ROBO1: variants seen among roughly 807,000 people sequenced by gnomAD.
ROBO1 encodes the protein roundabout guidance receptor 1.
ROBO1 carries 149 observed loss-of-function variants against 195.9 expected under a neutral mutation model. That is an observed-to-expected ratio of 0.76 (90% CI 0.67 to 0.87). The LOEUF is 0.87. ROBO1 is among the 40% of genes least tolerant of loss of function. The pLI is 0.00. For synonymous variants in ROBO1, 816 were observed against 733.2 expected, an observed-to-expected ratio of 1.11 and a Z score of -1.82; for missense variants, 1,933 against 2,068.3, an observed-to-expected ratio of 0.93 and a Z score of 1.27.
At chr3:79,051,069 T>A (rs1254104514) in intron 3 of ROBO1, among the ~76,000 whole-genome samples, 1 of 151,950 alleles carries the variant, frequency 6.6e-6, no homozygotes, top group Non-Finnish European at 1.5e-5. Flanking sequence ...AGAGCAGAAC[T>A]GAAGGAGATA....
At chr3:79,161,124 C>T (rs1225966791) in intron 2 of ROBO1, among the ~76,000 whole-genome samples, 1 of 151,942 alleles carries the variant, frequency 6.6e-6, no homozygotes, top group African/African-American at 2.4e-5. Flanking sequence ...GAGCCTGCTA[C>T]AAAACAATAC....
intron 8 of ROBO1, among the ~76,000 whole-genome samples, chr3:78,700,138 C>A (rs1054617325): frequency 6.6e-6 from 1 of 152,096 alleles, no homozygotes; most frequent in Non-Finnish European, 1.5e-5. Context: ...TTTTAAATAT[C>A]GGTTGAAAGG....
At chr3:79,005,663 C>A (rs2077602829) in intron 3 of ROBO1, among the ~76,000 whole-genome samples, 1 of 152,116 alleles carries the variant, frequency 6.6e-6, no homozygotes, top group Admixed American at 6.5e-5. Context: ...GAATTATGCA[C>A]AAGATTCCTC....
At chr3:79,069,777 C>G (rs957490015) in intron 3 of ROBO1, among the ~76,000 whole-genome samples, 1 of 151,642 alleles carries the variant, frequency 6.6e-6, no homozygotes, top group Non-Finnish European at 1.5e-5. Flanking sequence ...GACAGGTGAT[C>G]AAAAATCTGA....
chr3:78,668,352 A>G (rs769380715), intron 12 of ROBO1, 50 bp from the exon 13 acceptor site: 8 of 1,605,078 alleles, frequency 5.0e-6, no homozygotes, highest in Non-Finnish European at 6.8e-6. Flanking sequence ...ACATACACAG[A>G]TAAGCGGATA....
intron 2 of ROBO1, among the ~76,000 whole-genome samples, chr3:79,318,256 G>A (rs1464840400): frequency 6.6e-6 from 1 of 152,068 alleles, no homozygotes; most frequent in Non-Finnish European, 1.5e-5. Flanking sequence ...CAAATATCTG[G>A]GCTCCCTATG....
chr3:79,319,125 A>G (rs987403568), intron 2 of ROBO1, among the ~76,000 whole-genome samples: 1 of 152,094 alleles, frequency 6.6e-6, no homozygotes, highest in Admixed American at 6.6e-5. Context: ...CTCCTCTCCT[A>G]TCCTTCCATA....
intron 2 of ROBO1, among the ~76,000 whole-genome samples, chr3:79,576,422 T>C (rs1218155904): frequency 6.6e-6 from 1 of 152,016 alleles, no homozygotes; most frequent in African/African-American, 2.4e-5. Context: ...AAAGTAATAA[T>C]ACCTACTCTT....
intron 2 of ROBO1, among the ~76,000 whole-genome samples, chr3:79,190,462 T>C (rs920259360): frequency 2.0e-5 from 3 of 151,598 alleles, no homozygotes; most frequent in Non-Finnish European, 4.4e-5. Context: ...TCTCTAAGAC[T>C]TTTTCACAAA....
At chr3:79,737,482 C>A (rs1003732260) in intron 1 of ROBO1, among the ~76,000 whole-genome samples, 2 of 152,098 alleles carry the variant, frequency 1.3e-5, no homozygotes, top group African/African-American at 4.8e-5. Flanking sequence ...GAACTTTCAA[C>A]ATTTTAGGCT....
At chr3:78,784,242 T>C (rs765732751) in intron 4 of ROBO1, among the ~76,000 whole-genome samples, 19 of 152,098 alleles carry the variant, frequency 1.2e-4, no homozygotes, top group Non-Finnish European at 2.5e-4. Context: ...AATCACTTAA[T>C]CTGTAGAATA....
At chr3:79,561,445 A>C (rs1246354647) in intron 2 of ROBO1, among the ~76,000 whole-genome samples, 1 of 152,164 alleles carries the variant, frequency 6.6e-6, no homozygotes, top group African/African-American at 2.4e-5. Context: ...ATAAGCATAA[A>C]GTTGGGTCTC....
chr3:79,234,955 G>A (rs896399828), intron 2 of ROBO1, among the ~76,000 whole-genome samples: 3 of 151,946 alleles, frequency 2.0e-5, no homozygotes, highest in South Asian at 4.2e-4. Context: ...ACTTGCACAC[G>A]TACCACCTGA....
chr3:78,858,851 C>T (rs1032231143), intron 4 of ROBO1, among the ~76,000 whole-genome samples: 3 of 149,780 alleles, frequency 2.0e-5, no homozygotes, highest in African/African-American at 7.4e-5. Flanking sequence ...ATCCAAAACA[C>T]TTCATCTAAT....
intron 1 of ROBO1, among the ~76,000 whole-genome samples, chr3:79,750,470 A>G (rs1284335676): frequency 6.6e-6 from 1 of 152,176 alleles, no homozygotes; most frequent in African/African-American, 2.4e-5. Flanking sequence ...GCCAGGGCAG[A>G]ATTATATGAG....
intron 4 of ROBO1, among the ~76,000 whole-genome samples, chr3:78,891,578 C>A (rs2107369689): frequency 6.6e-6 from 1 of 152,268 alleles, no homozygotes; most frequent in Middle Eastern, 3.4e-3. Flanking sequence ...CACGAGTTAG[C>A]AATTCCACTC....
intron 2 of ROBO1, among the ~76,000 whole-genome samples, chr3:79,461,134 A>G (rs977600033): frequency 1.3e-5 from 2 of 152,136 alleles, no homozygotes; most frequent in African/African-American, 4.8e-5. Flanking sequence ...AACTTTCATC[A>G]AGCTAAGTTG....
At chr3:78,683,157 A>G (rs920445158) in intron 10 of ROBO1, among the ~76,000 whole-genome samples, 3 of 151,844 alleles carry the variant, frequency 2.0e-5, no homozygotes, top group African/African-American at 7.2e-5. Flanking sequence ...CCGTCACATC[A>G]AAATCATGAA....
chr3:79,757,476 T>C (rs1027590356), intron 1 of ROBO1, among the ~76,000 whole-genome samples: 4 of 148,360 alleles, frequency 2.7e-5, no homozygotes, highest in Non-Finnish European at 5.9e-5. Flanking sequence ...ACTTGCTCTC[T>C]CTTTCTTTCT....
Sources: gnomAD v4.1 joint callset for allele counts (sites outside exome capture counted in the v4.1 genomes callset) on GRCh38, gnomAD v4.1.1 for gene constraint, MANE v1.5 for transcripts, NCBI Gene and HGNC (gene_info 2026-07-23, HGNC 2026-07-21) for gene names.